CENPK: variants seen among roughly 807,000 people sequenced by gnomAD.
The protein encoded by CENPK is SoxLZ/Sox6-binding protein Solt.
In CENPK, 46 loss-of-function variants were observed where a neutral mutation model predicts 40.9. That is an observed-to-expected ratio of 1.13 (90% CI 0.89 to 1.44). CENPK has a LOEUF of 1.44. Ranked by LOEUF, CENPK falls within the 40% of genes most tolerant of loss-of-function variation. The probability of loss-of-function intolerance (pLI) is 0.00; values close to 1 mark genes in which losing one functional copy is unlikely to be tolerated. For synonymous variants in CENPK, 107 were observed against 104.4 expected, an observed-to-expected ratio of 1.02 and a Z score of -0.15; for missense variants, 288 against 303.5, an observed-to-expected ratio of 0.95 and a Z score of 0.38.
chr5:65,537,895 T>G (rs1239399199), intron 6 of CENPK, among the ~76,000 whole-genome samples: 1 of 152,234 alleles, frequency 6.6e-6, no homozygotes, highest in Admixed American at 6.5e-5. Flanking sequence ...AACTTTTCGT[T>G]TGGATACATA....
Position 65,528,997 on chromosome 5 carries a change from T to A in CENPK, c.392A>T (p.Glu131Val), listed in dbSNP as rs780195488. 12 of 1,610,424 alleles carry A rather than the reference T, an allele frequency of 7.5e-6. No homozygotes were observed. The Admixed American group carries it at 2.0e-4, about 27-fold the overall frequency. ...AAGAGATTCCATTATCTGTTGCTGT[T>A]CATCCAACCACCGTTGTTCCCTTTC... ...DLEREQRWLDEQQQIMESLNV... is the reference protein window; with the variant it reads ...DLEREQRWLDVQQQIMESLNV... Residue 131 changes from glutamate (E) to valine (V), a missense_variant, in exon 8 of 11, where the codon GAA becomes GTA. Coordinates refer to ENST00000396679, the MANE Select transcript of CENPK (RefSeq NM_022145.5).
the CENPK span, among the ~76,000 whole-genome samples, chr5:65,508,628 T>C: frequency 6.6e-6 from 1 of 151,526 alleles, no homozygotes; most frequent in Admixed American, 6.6e-5. Flanking sequence ...CTACTAAAAA[T>C]ACAAAAAATT....
At chr5:65,508,818 G>GA in the CENPK span, among the ~76,000 whole-genome samples, 2 of 146,232 alleles carry the variant, frequency 1.4e-5, no homozygotes, top group African/African-American at 2.5e-5. Context: ...CTAAAACTGT[G>GA]AAACTTCTGG....
At chr5:65,548,341 A>T (rs1390198121) in intron 5 of CENPK, among the ~76,000 whole-genome samples, 2 of 152,216 alleles carry the variant, frequency 1.3e-5, no homozygotes, top group African/African-American at 4.8e-5. Flanking sequence ...AAAATTGCTA[A>T]CTGAGATGCC....
chr5:65,532,055 T>G (rs1396658104), intron 6 of CENPK, among the ~76,000 whole-genome samples: 1 of 152,136 alleles, frequency 6.6e-6, no homozygotes, highest in East Asian at 1.9e-4. Context: ...ATATCAGGAA[T>G]GAGAGAGGTG....
In CENPK at chr5:65,536,708, T is replaced by A. The variant is rs184816123; in HGVS notation, c.288+6094A>T. ...GAAAATGTCCATGTATTATTTATTT[T>A]ATTATTTCTTGCCTTCGATTTTTTA... On this transcript the variant is annotated intron_variant, in intron 6 of 10. Transcript: ENST00000396679. Among the ~76,000 whole-genome samples, 3 of 141,620 alleles carry A rather than the reference T, an allele frequency of 2.1e-5. No homozygotes were observed. In the South Asian group the frequency reaches 6.3e-4, roughly 30 times the overall value. The allele number at this position is 141,620 out of a possible 152,430, so 92.9% of individuals were successfully genotyped here.
the CENPK span, among the ~76,000 whole-genome samples, chr5:65,501,502 G>C: frequency 6.6e-6 from 1 of 152,000 alleles, no homozygotes; most frequent in South Asian, 2.1e-4. Context: ...TGATGTTGCT[G>C]TATGTTGTCT....
intron 9 of CENPK, among the ~76,000 whole-genome samples, chr5:65,523,158 A>G (rs909261466): frequency 2.0e-5 from 3 of 152,218 alleles, no homozygotes; most frequent in African/African-American, 4.8e-5. Flanking sequence ...TAGCTAAGAA[A>G]TAGTCTTCAA....
intron 3 of CENPK, among the ~76,000 whole-genome samples, chr5:65,552,808 T>A (rs1581081639): frequency 1.4e-5 from 2 of 146,224 alleles, no homozygotes. Flanking sequence ...CTAGAATGAA[T>A]TATAAGTCAG....
At chr5:65,539,664 C>T (rs1311645050) in intron 6 of CENPK, among the ~76,000 whole-genome samples, 4 of 146,660 alleles carry the variant, frequency 2.7e-5, no homozygotes, top group African/African-American at 9.7e-5. Context: ...GGCAAAATGG[C>T]CCTCTAGCAG....
chr5:65,555,068 G>A, intron 2 of CENPK, 122 bp from the exon 3 acceptor site: 1 of 559,404 alleles, frequency 1.8e-6, no homozygotes. Context: ...CTCCTACCGT[G>A]AACCTTATTC....
Position 65,542,827 on chromosome 5 carries a change from A to G in CENPK, c.263T>C (p.Val88Ala). The change falls in exon 6 of 11, where the codon GTT becomes GCT. Residue 88 changes from valine to alanine, a missense_variant. Val to Ala is a moderately conservative substitution (Grantham distance 64). Coordinates refer to ENST00000396679, the MANE Select transcript of CENPK (RefSeq NM_022145.5). The part of the protein sequence containing the change: ...TPETIPLTED[V>A]LITLGKEEFQ... ...CTCTTCTTTTCCTAATGTTATGAGA[A>G]CGTCTTCAGTCAAGGGAATTGCTAC... 1 of 1,611,146 alleles carries G rather than the reference A, an allele frequency of 6.2e-7. No homozygotes were observed. The highest frequency in any genetic ancestry group is 2.2e-5 in the East Asian group (1 of 44,792).
chr5:65,544,278 A>C lies in CENPK; in HGVS notation c.242-1430T>G, dbSNP rs576246597. ...TAAGAAGCTCACTAATCACATCCTA[A>C]AGACCTCACTTTTTAACACTATCAT... On this transcript the variant is annotated intron_variant, in intron 5 of 10. Transcript: ENST00000396679. 5.9e-5 allele frequency among the ~76,000 whole-genome samples: 9 copies of C among 152,274 alleles called. No individual in the cohort carries two copies. The South Asian group carries it at 1.9e-3, about 32-fold the overall frequency.
At chr5:65,557,403 T>C (rs1280788950) in intron 2 of CENPK, among the ~76,000 whole-genome samples, 2 of 152,122 alleles carry the variant, frequency 1.3e-5, no homozygotes, top group African/African-American at 2.4e-5. Flanking sequence ...ACAATGAAAA[T>C]GACACCACAT....
the CENPK span, among the ~76,000 whole-genome samples, chr5:65,508,749 G>A: frequency 5.0e-4 from 71 of 141,116 alleles, no homozygotes; most frequent in African/African-American, 1.9e-3. Context: ...TCATGCCACT[G>A]CACTCCAGCC....
chr5:65,512,148 A>T, the CENPK span, among the ~76,000 whole-genome samples: 3 of 152,250 alleles, frequency 2.0e-5, no homozygotes, highest in Non-Finnish European at 4.4e-5. Flanking sequence ...TACAACTTGA[A>T]CAGATGAGGA....
At chr5:65,507,400 C>T in the CENPK span, among the ~76,000 whole-genome samples, 1 of 152,024 alleles carries the variant, frequency 6.6e-6, no homozygotes, top group Non-Finnish European at 1.5e-5. Flanking sequence ...AGTGGATTAC[C>T]CAAACAAAAA....
chr5:65,552,264 C>A (rs1750214675), intron 4 of CENPK, among the ~76,000 whole-genome samples: 3 of 152,108 alleles, frequency 2.0e-5, no homozygotes, highest in African/African-American at 7.2e-5. Flanking sequence ...TGCTAAAAGA[C>A]AAATAATAAA....
the CENPK span, among the ~76,000 whole-genome samples, chr5:65,511,204 G>A: frequency 6.6e-6 from 1 of 152,200 alleles, no homozygotes; most frequent in Non-Finnish European, 1.5e-5. Flanking sequence ...AGCTAGCAGA[G>A]GTTGGTTCAT....
Sources: allele counts gnomAD v4.1 joint callset (sites outside exome capture counted in the v4.1 genomes callset), GRCh38; gene constraint gnomAD v4.1.1; transcripts MANE v1.5; gene names NCBI Gene and HGNC (gene_info 2026-07-23, HGNC 2026-07-21).